The following MSANTD2 variants were observed in gnomAD, a reference collection of about 807,000 sequenced individuals.
The protein encoded by MSANTD2 is Myb/SANT DNA binding domain containing 2.
MSANTD2 carries 19 observed loss-of-function variants against 52.6 expected under a neutral mutation model. That is an observed-to-expected ratio of 0.36 (90% CI 0.25 to 0.53). The LOEUF (loss-of-function observed/expected upper bound fraction) is 0.53. Ranked by LOEUF, MSANTD2 falls within the 20% of genes least tolerant of loss-of-function variation. MSANTD2 has a pLI of 0.91. For synonymous variants in MSANTD2, 291 were observed against 289.7 expected (o/e 1.00, Z -0.04); for missense variants, 558 against 716.3 (o/e 0.78, Z 2.52).
intron 1 of MSANTD2, among the ~76,000 whole-genome samples, chr11:124,785,662 G>A (rs933260773): frequency 9.9e-5 from 15 of 152,138 alleles, no homozygotes; most frequent in Non-Finnish European, 1.8e-4. Flanking sequence ...AAATCAACCA[G>A]AAGCCACCAG....
Position 124,766,995 on chromosome 11 carries a change from G to A in MSANTD2, c.*181C>T, listed in dbSNP as rs1239423322. 5.1e-6 allele frequency: 3 copies of A among 589,968 alleles called. No individual in the cohort carries two copies. The highest frequency in any genetic ancestry group is 3.1e-5 in the South Asian group (1 of 31,784). The allele number at this position is 589,968 out of a possible 1,614,324, so 36.5% of individuals were successfully genotyped here. A position where few individuals can be genotyped will look rare whatever the true frequency, so the allele number is the denominator to read the frequency against. ...GCTTGCTCAAAATGAGCATTTTCAG[G>A]TGAGGTCTGTTTTTTCTGGCCCAAG... On this transcript the variant is annotated 3_prime_UTR_variant, in exon 4 of 4. Transcript: ENST00000374979.
intron 1 of MSANTD2, chr11:124,784,517 C>G (rs767632891): frequency 6.1e-5 from 60 of 984,352 alleles, no homozygotes; most frequent in Non-Finnish European, 7.2e-5. Flanking sequence ...CCGCACACAG[C>G]TTTACCATTA....
At chr11:124,790,951 C>A in intron 1 of MSANTD2, 1 of 289,550 alleles carries the variant, frequency 3.5e-6, no homozygotes, top group South Asian at 4.2e-5. Flanking sequence ...ATGAAAAAAT[C>A]TTGATCTCAC....
At chr11:124,799,394 T>C (rs542700661) in intron 1 of MSANTD2, among the ~76,000 whole-genome samples, 1 of 152,340 alleles carries the variant, frequency 6.6e-6, no homozygotes, top group Admixed American at 6.5e-5. Flanking sequence ...CAAGGCGCTT[T>C]TTCTATGGCT....
chr11:124,781,945 G>A (rs1450794976), intron 1 of MSANTD2, among the ~76,000 whole-genome samples: 5 of 152,152 alleles, frequency 3.3e-5, no homozygotes, highest in South Asian at 4.2e-4. Context: ...GAGCCACCAC[G>A]CCTGGCCAAT....
intron 1 of MSANTD2, chr11:124,784,231 C>G (rs763152705): frequency 3.3e-5 from 33 of 985,216 alleles, no homozygotes; most frequent in Non-Finnish European, 4.0e-5. Context: ...TCCTACATCA[C>G]CTCTGAAGTT....
At position 124,774,863 on chromosome 11, in the gene MSANTD2, G is replaced by C; in HGVS notation, c.622C>G (p.Gln208Glu). ...TTAATAAGTACAGGCTGGCAGGGCT[G>C]AGCATCCCATCCTCCCTGACCAAAC... ...QVFGQGGWDA[Q>E]PCQPVLINSS... Residue 208 changes from glutamine (Q) to glutamate (E), a missense_variant, in exon 2 of 4, where the codon CAG becomes GAG. Gln to Glu is a conservative substitution (Grantham distance 29). Transcript: ENST00000374979. This position sits in a 1 kb window ranked among gnomAD's most constrained non-coding sequence, Gnocchi z 5.1. The C allele has an allele frequency of 1.2e-6, 2 of 1,613,844 alleles. No individual in the cohort carries two copies. Among genetic ancestry groups the C allele is most frequent in the Non-Finnish European group, 1.7e-6 (2 of 1,180,030 alleles).
At position 124,767,704 on chromosome 11, in the gene MSANTD2, C is replaced by T. The variant is rs1368240454; in HGVS notation, c.1152G>A (p.Arg384=). The T allele has an allele frequency of 3.1e-6, 5 of 1,614,248 alleles. No individual in the cohort carries two copies. In the Admixed American group the frequency reaches 5.0e-5, roughly 16 times the overall value. Residue 384 remains arginine, a synonymous_variant, in exon 4 of 4, where the codon AGG becomes AGA. Coordinates refer to ENST00000374979, the MANE Select transcript of MSANTD2 (RefSeq NM_001308027.2). This position sits in a 1 kb window ranked among gnomAD's most constrained non-coding sequence, Gnocchi z 6.5. ...CAATTTCCATGTGCAGCTCCAAGCA[C>T]CTAGCTTCGCTAATAGTGATCTCTA... ...KFLEITISEA[R]CLELHMEIDW...
intron 3 of MSANTD2, among the ~76,000 whole-genome samples, chr11:124,770,302 T>TTTTG (rs1555112802): frequency 1.4e-5 from 2 of 139,254 alleles, no homozygotes; most frequent in African/African-American, 3.3e-5. Flanking sequence ...AACTCTTTTT[T>TTTTG]TTTGTTTGTT....
chr11:124,783,971 T>C (rs191815174), intron 1 of MSANTD2: 20 of 985,394 alleles, frequency 2.0e-5, no homozygotes, highest in Admixed American at 1.8e-4. Context: ...TATAAGAGCT[T>C]CTTTAGGGTA....
chr11:124,775,039 G>C, intron 1 of MSANTD2, 65 bp from the exon 2 acceptor site: 1 of 1,414,108 alleles, frequency 7.1e-7, no homozygotes. Flanking sequence ...ACGGACCACA[G>C]ATATTAATTA....
At chr11:124,796,054 T>C (rs534363488) in intron 1 of MSANTD2, among the ~76,000 whole-genome samples, 1 of 152,374 alleles carries the variant, frequency 6.6e-6, no homozygotes, top group East Asian at 1.9e-4. Flanking sequence ...CAAATTTTCA[T>C]ATCTGACTGT....
At chr11:124,791,391 A>G in intron 1 of MSANTD2, 1 of 1,346,418 alleles carries the variant, frequency 7.4e-7, no homozygotes, top group Non-Finnish European at 1.1e-6. Flanking sequence ...GGGCTACATC[A>G]TCAAAACCTT....
At position 124,767,569 on chromosome 11, in the gene MSANTD2, T is replaced by C; in HGVS notation, c.1287A>G (p.Glu429=). 5 of 1,614,160 alleles carry C rather than the reference T, an allele frequency of 3.1e-6. No individual in the cohort carries two copies. The highest frequency in any genetic ancestry group is 4.2e-6 in the Non-Finnish European group (5 of 1,180,020). ...SPGLYAIGYE[E]CIERPLSPHM... Reference sequence around the variant, plus strand: ...GTGGTGAGAGGGGCCTCTCAATACATTCTTCATAGCCAATGGCATAAAGGC... The same window carrying C: ...GTGGTGAGAGGGGCCTCTCAATACACTCTTCATAGCCAATGGCATAAAGGC... Residue 429 remains glutamate (E), a synonymous_variant, in exon 4 of 4, where the codon GAA becomes GAG. Coordinates refer to ENST00000374979, the MANE Select transcript of MSANTD2 (RefSeq NM_001308027.2). This position sits in a 1 kb window ranked among gnomAD's most constrained non-coding sequence, Gnocchi z 6.5.
At chr11:124,777,598 A>C (rs1944793172) in intron 1 of MSANTD2, among the ~76,000 whole-genome samples, 1 of 152,264 alleles carries the variant, frequency 6.6e-6, no homozygotes. Context: ...AAGTCAGGTG[A>C]CACATTTTAC....
At position 124,784,738 on chromosome 11, in the gene MSANTD2, C is replaced by T. The variant is rs955498845; in HGVS notation, c.511-9764G>A. 4 of 882,600 alleles carry T rather than the reference C, an allele frequency of 4.5e-6. No homozygotes were observed. In the African/African-American group the frequency reaches 5.4e-5, roughly 12 times the overall value. The allele number at this position is 882,600 out of a possible 1,614,324, so 54.7% of individuals were successfully genotyped here. On this transcript the variant is annotated intron_variant, in intron 1 of 3. Coordinates refer to ENST00000374979, the MANE Select transcript of MSANTD2 (RefSeq NM_001308027.2). ...AGATAACCTATAATAGAGATGTTTCCATTAGTAGATTTTACACATTTGGTT... is the reference window on the plus strand; with the variant it reads ...AGATAACCTATAATAGAGATGTTTCTATTAGTAGATTTTACACATTTGGTT...
intron 1 of MSANTD2, among the ~76,000 whole-genome samples, chr11:124,796,240 GC>G (rs1303910606): frequency 1.3e-5 from 2 of 152,180 alleles, no homozygotes; most frequent in Non-Finnish European, 2.9e-5. Context: ...TAAGTGACAT[GC>G]TTTAAGGTGA....
chr11:124,774,524 G>A lies in MSANTD2; in HGVS notation c.766+195C>T, dbSNP rs1268909884. Among the ~76,000 whole-genome samples the A allele has an allele frequency of 2.0e-5, 3 of 152,194 alleles. No homozygotes were observed. In the East Asian group the frequency reaches 5.8e-4, roughly 29 times the overall value. On this transcript the variant is annotated intron_variant, in intron 2 of 3. Coordinates refer to ENST00000374979, the MANE Select transcript of MSANTD2 (RefSeq NM_001308027.2). This position sits in a 1 kb window ranked among gnomAD's most constrained non-coding sequence, Gnocchi z 5.1. ...GGCAGTTTAAGGCTAAACCAAGGAT[G>A]CCCACATTGCCCCAAATAGACTGGG... is the stretch of plus-strand genomic sequence containing the variant.
chr11:124,772,324 C>T (rs1014800821), intron 3 of MSANTD2, among the ~76,000 whole-genome samples: 2 of 152,202 alleles, frequency 1.3e-5, no homozygotes, highest in African/African-American at 4.8e-5. Context: ...ATGTCCACAT[C>T]CACACACAGG....
Sources: allele counts gnomAD v4.1 joint callset (sites outside exome capture counted in the v4.1 genomes callset), GRCh38; gene constraint gnomAD v4.1.1; non-coding constraint Gnocchi (gnomAD v3.1); transcripts MANE v1.5; gene names NCBI Gene and HGNC (gene_info 2026-07-23, HGNC 2026-07-21).